CFAP36: variants seen among roughly 807,000 people sequenced by gnomAD.
CFAP36 encodes cilia and flagella associated protein 36.
A neutral mutation model predicts 50.5 loss-of-function variants in CFAP36; 37 were observed. That is an observed-to-expected ratio of 0.73 (90% CI 0.56 to 0.96). CFAP36 has a LOEUF of 0.96. Ranked by LOEUF, CFAP36 falls within the 50% of genes least tolerant of loss-of-function variation. The pLI, the probability that CFAP36 is intolerant of heterozygous loss-of-function variation, is 0.00. For synonymous variants in CFAP36, 138 were observed against 128.2 expected, an observed-to-expected ratio of 1.08 and a Z score of -0.52; for missense variants, 407 against 396.2, an observed-to-expected ratio of 1.03 and a Z score of -0.23.
intron 6 of CFAP36, among the ~76,000 whole-genome samples, chr2:55,536,891 C>T (rs979682165): frequency 1.3e-5 from 2 of 148,352 alleles, no homozygotes; most frequent in Admixed American, 6.9e-5. Flanking sequence ...ATTATAGGTG[C>T]CTGCCACCAC....
At chr2:55,537,854 T>C (rs17792822) in intron 7 of CFAP36, among the ~76,000 whole-genome samples, 13,612 of 152,290 alleles carry the variant, frequency 0.089, 746 homozygotes, top group South Asian at 0.14. Flanking sequence ...CTAGCCTTTG[T>C]GCATGACTGC....
Position 55,544,216 on chromosome 2 carries a change from C to T in CFAP36, c.778-4C>T, listed in dbSNP as rs751355993. The T allele has an allele frequency of 9.9e-6, 16 of 1,611,856 alleles. No individual in the cohort carries two copies. In the South Asian group the frequency reaches 1.2e-4, roughly 12 times the overall value. On this transcript the variant is annotated splice_region_variant and splice_polypyrimidine_tract_variant and intron_variant, in intron 8 of 9. Coordinates refer to ENST00000349456, the MANE Select transcript of CFAP36 (RefSeq NM_080667.7). ...TAGATAGCTCCTTTTCTTACTTGACCCAGAACTTATCAGTACTTGGAACAG... is the reference window on the plus strand; with the variant it reads ...TAGATAGCTCCTTTTCTTACTTGACTCAGAACTTATCAGTACTTGGAACAG...
intron 6 of CFAP36, among the ~76,000 whole-genome samples, chr2:55,536,150 TG>T (rs1239371074): frequency 5.9e-5 from 9 of 151,728 alleles, no homozygotes; most frequent in Non-Finnish European, 1.0e-4. Flanking sequence ...TTTTTTTTTT[TG>T]AGATTGAGTC....
At position 55,535,601 on chromosome 2, in the gene CFAP36, G is replaced by T. The variant is rs1684460030; in HGVS notation, c.486-111G>T. 1.8e-5 allele frequency: 14 copies of T among 787,298 alleles called. No individual in the cohort carries two copies. The East Asian group carries it at 3.9e-4, about 22-fold the overall frequency. The allele number at this position is 787,298 out of a possible 1,614,324, so 48.8% of individuals were successfully genotyped here. On this transcript the variant is annotated intron_variant, in intron 5 of 9. Coordinates refer to ENST00000349456, the MANE Select transcript of CFAP36 (RefSeq NM_080667.7). The stretch of plus-strand genomic sequence containing the variant: ...AGGCTTGATTATCTTCCATCTTTGT[G>T]TCTAATGTGCCTTTTATTGTAAGCT...
intron 4 of CFAP36, 43 bp downstream of exon 4, chr2:55,529,035 T>G (rs748723670): frequency 1.5e-6 from 2 of 1,371,382 alleles, no homozygotes; most frequent in South Asian, 2.5e-5. Context: ...AATGCATTTT[T>G]TTTTACAGTT....
At chr2:55,525,633 T>TC (rs1491286752) in intron 3 of CFAP36, among the ~76,000 whole-genome samples, 9 of 48,752 alleles carry the variant, frequency 1.8e-4, no homozygotes, top group Non-Finnish European at 4.5e-4. Context: ...ACTTGCTCTC[T>TC]TTTTTTTTTC....
rs538281909 is a variant in CFAP36 at position 55,527,311 on chromosome 2, G to A, written c.283-1567G>A. Among the ~76,000 whole-genome samples the A allele has an allele frequency of 3.3e-5, 5 of 151,982 alleles. No individual in the cohort carries two copies. In the South Asian group the frequency reaches 8.3e-4, roughly 25 times the overall value. ...TAAACAGCACCTTCAGGCCAGGCAC[G>A]GTGGCTCATGCCTGTAATCCCAGAA... On this transcript the variant is annotated intron_variant, in intron 3 of 9. Transcript: ENST00000349456.
intron 4 of CFAP36, among the ~76,000 whole-genome samples, chr2:55,532,555 G>A (rs149937103): frequency 6.6e-6 from 1 of 152,334 alleles, no homozygotes; most frequent in East Asian, 1.9e-4. Context: ...GGATTAGTTA[G>A]ATGTCAGTTT....
rs547165610 is a variant in CFAP36, at chr2:55,519,878, C to T, written c.77C>T (p.Ser26Phe). 1 of 1,614,202 alleles carries T rather than the reference C, an allele frequency of 6.2e-7. No individual in the cohort carries two copies. Among genetic ancestry groups the T allele is most frequent in the Admixed American group, 1.7e-5 (1 of 60,024 alleles). Residue 26 changes from serine to phenylalanine, a missense_variant, in exon 1 of 10, where the codon TCC becomes TTC. By Grantham distance (155) the Ser-to-Phe change is radical. Transcript: ENST00000349456. The part of the protein sequence containing the change: ...IAGFLRGPDW[S>F]IPILDFVEQK... ...GGGTTCCTGCGAGGCCCAGACTGGT[C>T]CATCCCCATCTTGGACTTTGTGGAA...
At chr2:55,523,165 C>T (rs1356859785) in intron 2 of CFAP36, among the ~76,000 whole-genome samples, 1 of 150,424 alleles carries the variant, frequency 6.6e-6, no homozygotes, top group Non-Finnish European at 1.5e-5. Flanking sequence ...AATCCCAGCA[C>T]TTTGGGAGGC....
intron 3 of CFAP36, 32 bp from the exon 4 acceptor site, chr2:55,528,846 A>C (rs1266581046): frequency 7.3e-7 from 1 of 1,370,696 alleles, no homozygotes; most frequent in Non-Finnish European, 1.0e-6. Context: ...TAAAACTTGA[A>C]TCTTCATTTC....
chr2:55,542,225 T>C (rs1684655925), intron 7 of CFAP36, among the ~76,000 whole-genome samples: 1 of 152,272 alleles, frequency 6.6e-6, no homozygotes, highest in Non-Finnish European at 1.5e-5. Flanking sequence ...AGTGAAGCTA[T>C]AGAAAACTTG....
At chr2:55,540,803 G>A (rs185119898) in intron 7 of CFAP36, among the ~76,000 whole-genome samples, 104 of 152,104 alleles carry the variant, frequency 6.8e-4, no homozygotes, top group African/African-American at 1.9e-3. Context: ...TCGAGCTCAG[G>A]AGTTCAAAAC....
chr2:55,520,934 T>G (rs948528427), intron 1 of CFAP36, among the ~76,000 whole-genome samples: 2 of 152,174 alleles, frequency 1.3e-5, no homozygotes, highest in Non-Finnish European at 2.9e-5. Flanking sequence ...CAGCAGTGTT[T>G]GAATGGATCT....
At chr2:55,526,142 G>T (rs188202957) in intron 3 of CFAP36, among the ~76,000 whole-genome samples, 97 of 152,350 alleles carry the variant, frequency 6.4e-4, no homozygotes, top group African/African-American at 1.9e-3. Flanking sequence ...TAGGCCAATT[G>T]TAAATTGATA....
rs1432751667 is a variant in CFAP36, at chr2:55,519,732, T to C, written c.-70T>C. ...TCCCCTACTCCCTCTCGGCTCCTTG[T>C]GGCCCAAAGGCCTAACCGGGGTCCG... On this transcript the variant is annotated 5_prime_UTR_variant, in exon 1 of 10. Coordinates refer to ENST00000349456, the MANE Select transcript of CFAP36 (RefSeq NM_080667.7). 6.7e-7 allele frequency: 1 copy of C among 1,496,930 alleles called. No homozygotes were observed. The highest frequency in any genetic ancestry group is 1.4e-5 in the African/African-American group (1 of 72,670). The allele number at this position is 1,496,930 out of a possible 1,614,324, so 92.7% of individuals were successfully genotyped here. A position where few individuals can be genotyped will look rare whatever the true frequency, so the allele number is the denominator to read the frequency against.
intron 7 of CFAP36, among the ~76,000 whole-genome samples, chr2:55,542,509 A>T (rs1317639743): frequency 6.6e-6 from 1 of 152,140 alleles, no homozygotes; most frequent in Non-Finnish European, 1.5e-5. Context: ...ATTGATGCAG[A>T]TTTGCCAGAG....
At chr2:55,520,868 T>C (rs374100157) in intron 1 of CFAP36, among the ~76,000 whole-genome samples, 10 of 152,188 alleles carry the variant, frequency 6.6e-5, no homozygotes, top group South Asian at 2.1e-4. Flanking sequence ...TGTTTCATGA[T>C]AGAATGTATC....
intron 3 of CFAP36, among the ~76,000 whole-genome samples, chr2:55,527,632 A>G (rs1326187853): frequency 6.6e-6 from 1 of 152,100 alleles, no homozygotes; most frequent in Non-Finnish European, 1.5e-5. Context: ...CCTTCAGTCA[A>G]CTGAATTTAT....
Sources: allele counts gnomAD v4.1 joint callset (sites outside exome capture counted in the v4.1 genomes callset), GRCh38; gene constraint gnomAD v4.1.1; transcripts MANE v1.5; gene names NCBI Gene and HGNC (gene_info 2026-07-23, HGNC 2026-07-21).